The following STRN3 variants were observed in gnomAD, a reference collection of about 807,000 sequenced individuals.
STRN3 encodes the protein striatin 3, also known as striatin-3.
STRN3 carries 29 observed loss-of-function variants against 95.6 expected under a neutral mutation model. The observed-to-expected ratio is 0.30, with a 90% CI of 0.23 to 0.41. STRN3 has a LOEUF of 0.41. Among genes scored for constraint, STRN3 ranks in the 10% least tolerant of loss-of-function variants. The pLI is 1.00. For missense variants in STRN3, 890 were observed against 972.1 expected (o/e 0.92, Z 1.12); for synonymous variants, 331 against 357.6 (o/e 0.93, Z 0.84).
intron 1 of STRN3, among the ~76,000 whole-genome samples, chr14:30,972,356 T>C (rs1488965484): frequency 6.6e-6 from 1 of 152,112 alleles, no homozygotes; most frequent in Non-Finnish European, 1.5e-5. Flanking sequence ...CGTCTAACCC[T>C]AGTCAACAGG....
At chr14:30,956,313 C>T (rs555063634) in intron 1 of STRN3, 71 bp from the exon 2 acceptor site, 226 of 1,391,744 alleles carry the variant, frequency 1.6e-4, no homozygotes, top group South Asian at 6.4e-4. Flanking sequence ...AAATGGAAAA[C>T]GATAAACACA....
chr14:30,899,376 A>C (rs999093434), intron 16 of STRN3, among the ~76,000 whole-genome samples: 1 of 152,238 alleles, frequency 6.6e-6, no homozygotes, highest in Non-Finnish European at 1.5e-5. Context: ...TGAAAACTTT[A>C]AATCCTTTAA....
chr14:30,999,956 CT>C (rs1882369986), intron 1 of STRN3, among the ~76,000 whole-genome samples: 1 of 152,154 alleles, frequency 6.6e-6, no homozygotes, highest in African/African-American at 2.4e-5. Flanking sequence ...AAGCAGCTGA[CT>C]TTTCATCAGA....
At chr14:30,949,283 T>C (rs1879520187) in intron 4 of STRN3, among the ~76,000 whole-genome samples, 1 of 152,154 alleles carries the variant, frequency 6.6e-6, no homozygotes, top group Non-Finnish European at 1.5e-5. Flanking sequence ...CCTTTTTGAA[T>C]GGTAAGAAAC....
At position 30,905,497 on chromosome 14, in the gene STRN3, A is replaced by C. The variant is rs760048566; in HGVS notation, c.1950T>G (p.Ser650=). The C allele has an allele frequency of 4.3e-5, 69 of 1,610,510 alleles. No individual in the cohort carries two copies. The highest frequency in any genetic ancestry group is 5.5e-5 in the Non-Finnish European group (65 of 1,178,628). ...IGCDPAHMVT[S]FNTGSAVIYD... ...AAATTACTGCACTACCAGTGTTGAA[A>C]GAGGTTACCATATGAGCTGGATCAC... The change falls in exon 15 of 18, where the codon TCT becomes TCG. Residue 650 remains serine (S), a synonymous_variant. Coordinates refer to ENST00000357479, the MANE Select transcript of STRN3 (RefSeq NM_001083893.2).
intron 3 of STRN3, 81 bp from the exon 4 acceptor site, chr14:30,951,025 T>A: frequency 8.1e-7 from 1 of 1,236,972 alleles, no homozygotes; most frequent in Non-Finnish European, 1.1e-6. Flanking sequence ...AGGGATAAAT[T>A]CCCATAAAAA....
chr14:31,011,411 G>A (rs915476291), intron 1 of STRN3, among the ~76,000 whole-genome samples: 3 of 152,162 alleles, frequency 2.0e-5, no homozygotes, highest in Non-Finnish European at 2.9e-5. Flanking sequence ...GGAGGCCGAG[G>A]CGGGTGGATC....
intron 13 of STRN3, among the ~76,000 whole-genome samples, chr14:30,907,649 A>C (rs113269461): frequency 0.015 from 2,219 of 152,266 alleles, 27 homozygotes; most frequent in Middle Eastern, 0.031. Context: ...GCTGGAGTAC[A>C]GTGGCATGGT....
At chr14:30,918,441 G>A (rs939693576) in intron 9 of STRN3, among the ~76,000 whole-genome samples, 6 of 151,898 alleles carry the variant, frequency 4.0e-5, no homozygotes, top group Middle Eastern at 3.4e-3. Flanking sequence ...CCCAGGAGGC[G>A]GAGGTTGCAG....
chr14:30,956,600 T>C (rs986560666), intron 1 of STRN3, among the ~76,000 whole-genome samples: 2 of 152,150 alleles, frequency 1.3e-5, no homozygotes, highest in African/African-American at 2.4e-5. Flanking sequence ...TCATAAAATG[T>C]CCAAACTTTG....
At chr14:31,004,393 C>A (rs900024655) in intron 1 of STRN3, among the ~76,000 whole-genome samples, 1 of 151,998 alleles carries the variant, frequency 6.6e-6, no homozygotes, top group African/African-American at 2.4e-5. Context: ...TAAGCCATTG[C>A]ATTCCAGCCA....
At position 31,026,311 on chromosome 14, in the gene STRN3, T is replaced by G; in HGVS notation, c.-126A>C. Reference sequence around the variant, plus strand: ...GGGAGAGGGGCGGGGAAGGGGTCGTTGCTGTGTGCCTGCCGTGGGTCAGAG... The same window carrying G: ...GGGAGAGGGGCGGGGAAGGGGTCGTGGCTGTGTGCCTGCCGTGGGTCAGAG... On this transcript the variant is annotated 5_prime_UTR_variant, in exon 1 of 18. Coordinates refer to ENST00000357479, the MANE Select transcript of STRN3 (RefSeq NM_001083893.2). The G allele has an allele frequency of 9.5e-7, 1 of 1,051,626 alleles. No individual in the cohort carries two copies. Among genetic ancestry groups the G allele is most frequent in the Non-Finnish European group, 1.3e-6 (1 of 795,840 alleles). 65.1% of individuals were successfully genotyped at this position (1,051,626 alleles called of 1,614,324 possible).
chr14:30,947,848 T>C (rs1342598898), intron 4 of STRN3, among the ~76,000 whole-genome samples: 1 of 152,146 alleles, frequency 6.6e-6, no homozygotes, highest in Non-Finnish European at 1.5e-5. Flanking sequence ...AAGATGAGAC[T>C]GGAAAAGAAG....
At chr14:30,993,294 G>A (rs1002976475) in intron 1 of STRN3, among the ~76,000 whole-genome samples, 1 of 150,228 alleles carries the variant, frequency 6.7e-6, no homozygotes, top group Non-Finnish European at 1.5e-5. Context: ...TAAACTACAG[G>A]TAGTGCCTGA....
chr14:30,898,511 CAG>C (rs1393295072), intron 16 of STRN3, among the ~76,000 whole-genome samples: 4 of 152,362 alleles, frequency 2.6e-5, no homozygotes, highest in African/African-American at 9.6e-5. Flanking sequence ...TTCTTCTCCA[CAG>C]AGTCACAAAA....
intron 13 of STRN3, among the ~76,000 whole-genome samples, 190 bp from the exon 14 acceptor site, chr14:30,907,234 T>A (rs1484982772): frequency 6.6e-6 from 1 of 151,610 alleles, no homozygotes; most frequent in Admixed American, 6.6e-5. Context: ...CCTCCTCCCA[T>A]CAACATTTTT....
chr14:31,025,813 C>G (rs2139375342), intron 1 of STRN3, 91 bp downstream of exon 1: 10 of 1,515,352 alleles, frequency 6.6e-6, no homozygotes, highest in Middle Eastern at 2.2e-4. Context: ...CCTCCCAAGG[C>G]GCCGGCTCCG....
Position 30,894,196 on chromosome 14 carries a change from T to C in STRN3, c.*1215A>G, listed in dbSNP as rs1233724327. 1.3e-5 allele frequency: 2 copies of C among 152,582 alleles called. No individual in the cohort carries two copies. The highest frequency in any genetic ancestry group is 4.1e-4 in the South Asian group (2 of 4,832). The allele number at this position is 152,582 out of a possible 1,614,324, so 9.5% of individuals were successfully genotyped here. ...GCAGATTTCTGTATCCTGATTCAACTATTTTTGTATCCTATTTGTAATGCA... is the reference window on the plus strand; with the variant it reads ...GCAGATTTCTGTATCCTGATTCAACCATTTTTGTATCCTATTTGTAATGCA... On this transcript the variant is annotated 3_prime_UTR_variant, in exon 18 of 18. Transcript: ENST00000357479.
chr14:31,004,001 T>C (rs906216341), intron 1 of STRN3, among the ~76,000 whole-genome samples: 1 of 151,690 alleles, frequency 6.6e-6, no homozygotes, highest in Non-Finnish European at 1.5e-5. Context: ...AAGAAGTTTC[T>C]GGGTGGGCGC....
Sources: gnomAD v4.1 joint callset for allele counts (sites outside exome capture counted in the v4.1 genomes callset) on GRCh38, gnomAD v4.1.1 for gene constraint, MANE v1.5 for transcripts, NCBI Gene and HGNC (gene_info 2026-07-23, HGNC 2026-07-21) for gene names.